TTC29: variants seen among roughly 807,000 people sequenced by gnomAD.
The protein encoded by TTC29 is tetratricopeptide repeat domain 29, also known as tetratricopeptide repeat protein 29.
TTC29 carries 49 observed loss-of-function variants against 58.1 expected under a neutral mutation model. The ratio of observed to expected loss-of-function variants is 0.84; its 90% CI spans 0.67 to 1.07. TTC29 has a LOEUF of 1.07. Among genes scored for constraint, TTC29 ranks in the 50% least tolerant of loss-of-function variants. The pLI is 0.00. For synonymous variants in TTC29, 209 were observed against 196.8 expected (o/e 1.06, Z -0.52); for missense variants, 582 against 555.6 (o/e 1.05, Z -0.48).
chr4:146,824,699 C>G (rs902457197), intron 9 of TTC29, among the ~76,000 whole-genome samples: 2 of 152,148 alleles, frequency 1.3e-5, no homozygotes, highest in African/African-American at 4.8e-5. Context: ...CTTCATATAT[C>G]TGGCAGAATT....
intron 8 of TTC29, among the ~76,000 whole-genome samples, chr4:146,845,762 G>A (rs1345765459): frequency 2.6e-5 from 4 of 152,000 alleles, no homozygotes; most frequent in Non-Finnish European, 5.9e-5. Context: ...AGGCCCCGCT[G>A]CCTGCATTGT....
chr4:146,872,809 C>T (rs1226967258), intron 7 of TTC29, among the ~76,000 whole-genome samples: 1 of 152,044 alleles, frequency 6.6e-6, no homozygotes, highest in African/African-American at 2.4e-5. Context: ...GGTGAAGCCA[C>T]TTTGGAAAAC....
chr4:146,760,112 C>T (rs1187600997), intron 11 of TTC29, among the ~76,000 whole-genome samples: 1 of 152,028 alleles, frequency 6.6e-6, no homozygotes, highest in Non-Finnish European at 1.5e-5. Context: ...GATTAATGTA[C>T]ACAAATCAGT....
At chr4:146,786,904 G>C (rs1749062156) in intron 11 of TTC29, among the ~76,000 whole-genome samples, 1 of 151,960 alleles carries the variant, frequency 6.6e-6, no homozygotes, top group African/African-American at 2.4e-5. Flanking sequence ...CTTGAGGCTA[G>C]GTGTTTGAGA....
At chr4:146,853,036 T>C (rs774688292) in intron 8 of TTC29, among the ~76,000 whole-genome samples, 5 of 152,194 alleles carry the variant, frequency 3.3e-5, no homozygotes, top group African/African-American at 4.8e-5. Context: ...ATCAATCCTA[T>C]ACTAAAGATT....
At chr4:146,766,008 G>T (rs1747292143) in intron 11 of TTC29, among the ~76,000 whole-genome samples, 1 of 152,064 alleles carries the variant, frequency 6.6e-6, no homozygotes, top group Admixed American at 6.6e-5. Context: ...TAAGTTAGGG[G>T]CTTCAGAAAT....
intron 11 of TTC29, among the ~76,000 whole-genome samples, chr4:146,724,978 C>T (rs1471823311): frequency 1.3e-5 from 2 of 152,118 alleles, no homozygotes; most frequent in Non-Finnish European, 2.9e-5. Context: ...TTCCCCATTG[C>T]AGTCAGTGTA....
At chr4:146,791,618 G>T (rs1749456495) in intron 11 of TTC29, among the ~76,000 whole-genome samples, 1 of 152,186 alleles carries the variant, frequency 6.6e-6, no homozygotes, top group African/African-American at 2.4e-5. Context: ...AAGTGTTCAT[G>T]TGAAAGGAGG....
rs188531192 is a variant in TTC29 at position 146,924,110 on chromosome 4, T to A, written c.176+13484A>T. ...TTATATTCAACAAATAACATATATA[T>A]AGCATGTGCTATATTACTTTTCTGC... On this transcript the variant is annotated intron_variant, in intron 4 of 12. Coordinates refer to ENST00000325106, the MANE Select transcript of TTC29 (RefSeq NM_031956.4). 4.0e-3 allele frequency among the ~76,000 whole-genome samples: 612 copies of A among 151,954 alleles called. 3 individuals carry two copies. The highest frequency in any genetic ancestry group is 0.012 in the African/African-American group (482 of 41,538).
At chr4:146,728,794 C>CATATATATACACATATATATGT (rs1450598794) in intron 11 of TTC29, among the ~76,000 whole-genome samples, 9 of 119,842 alleles carry the variant, frequency 7.5e-5, no homozygotes, top group African/African-American at 2.6e-4. Flanking sequence ...TGTATATATA[C>CATATATATACACATATATATGT]GTATATATAC....
chr4:146,784,387 C>A (rs2150092280), intron 11 of TTC29, among the ~76,000 whole-genome samples: 1 of 151,908 alleles, frequency 6.6e-6, no homozygotes, highest in East Asian at 1.9e-4. Context: ...AAATTCTGAC[C>A]CTGTCACCTA....
At position 146,903,675 on chromosome 4, in the gene TTC29, T is replaced by A. The variant is rs1176429607; in HGVS notation, c.455A>T (p.Asn152Ile). 1 of 1,612,796 alleles carries A rather than the reference T, an allele frequency of 6.2e-7. No homozygotes were observed. Among genetic ancestry groups the A allele is most frequent in the Non-Finnish European group, 8.5e-7 (1 of 1,179,366 alleles). The change falls in exon 6 of 13, where the codon AAT becomes ATT. Residue 152 changes from asparagine to isoleucine, a missense_variant. By Grantham distance (149) the Asn-to-Ile change is moderately radical. Transcript: ENST00000325106. The stretch of plus-strand genomic sequence containing the variant: ...GTTCCTTACCCACTTGTCTTCAGAA[T>A]TATTGAAGTAACAGGCCAGAGCATA... Reference protein sequence around the residue: ...NLYALACYFNNSEDKWVRNHF... With the variant: ...NLYALACYFNISEDKWVRNHF...
chr4:146,857,991 G>C (rs1023203680), intron 8 of TTC29, among the ~76,000 whole-genome samples: 1 of 152,112 alleles, frequency 6.6e-6, no homozygotes, highest in South Asian at 2.1e-4. Context: ...TAAGAATAAA[G>C]TAAGAATGAA....
chr4:146,713,577 A>G (rs896840780), intron 11 of TTC29, among the ~76,000 whole-genome samples: 1 of 152,166 alleles, frequency 6.6e-6, no homozygotes, highest in African/African-American at 2.4e-5. Context: ...TTAAGGCAGG[A>G]GACACTTTCA....
chr4:146,870,446 C>T (rs1469541680), intron 7 of TTC29, among the ~76,000 whole-genome samples: 1 of 151,408 alleles, frequency 6.6e-6, no homozygotes, highest in Non-Finnish European at 1.5e-5. Flanking sequence ...AAAGAGGATA[C>T]AACTACACTC....
chr4:146,798,546 AC>A (rs1476041214), intron 11 of TTC29, among the ~76,000 whole-genome samples: 1 of 152,086 alleles, frequency 6.6e-6, no homozygotes, highest in African/African-American at 2.4e-5. Context: ...GGGGAGAAAA[AC>A]AACAAATAAA....
intron 11 of TTC29, among the ~76,000 whole-genome samples, chr4:146,726,639 C>A (rs1743806236): frequency 6.6e-6 from 1 of 152,062 alleles, no homozygotes; most frequent in South Asian, 2.1e-4. Flanking sequence ...ATATTTGGAA[C>A]AATGTTAAGG....
chr4:146,822,813 G>T (rs1019632613), intron 9 of TTC29, among the ~76,000 whole-genome samples: 2 of 152,178 alleles, frequency 1.3e-5, no homozygotes, highest in African/African-American at 4.8e-5. Flanking sequence ...GGCGTGAGAT[G>T]GTATCTCATT....
chr4:146,708,827 C>G (rs968257219), intron 11 of TTC29, among the ~76,000 whole-genome samples: 24 of 152,010 alleles, frequency 1.6e-4, no homozygotes, highest in African/African-American at 5.3e-4. Flanking sequence ...ATTCCTTTTA[C>G]TTTCTTGCTC....
Sources: allele counts gnomAD v4.1 joint callset (sites outside exome capture counted in the v4.1 genomes callset), GRCh38; gene constraint gnomAD v4.1.1; transcripts MANE v1.5; gene names NCBI Gene and HGNC (gene_info 2026-07-23, HGNC 2026-07-21).